ABCA6: variants seen among roughly 807,000 people sequenced by gnomAD.
ABCA6 encodes the protein ATP binding cassette subfamily A member 6, also known as ATP-binding cassette sub-family A member 6.
ABCA6 carries 164 observed loss-of-function variants against 191.2 expected under a neutral mutation model. That is an observed-to-expected ratio of 0.86 (90% CI 0.76 to 0.98). The LOEUF is 0.98. ABCA6 is among the 50% of genes least tolerant of loss of function. The probability of loss-of-function intolerance (pLI) is 0.00; values close to 1 mark genes in which losing one functional copy is unlikely to be tolerated. For synonymous variants in ABCA6, 636 were observed against 647.7 expected, an observed-to-expected ratio of 0.98 and a Z score of 0.27; for missense variants, 1,958 against 1,894.1, an observed-to-expected ratio of 1.03 and a Z score of -0.63.
At chr17:69,123,803 C>T (rs1250701977) in intron 9 of ABCA6, among the ~76,000 whole-genome samples, 1 of 151,956 alleles carries the variant, frequency 6.6e-6, no homozygotes, top group African/African-American at 2.4e-5. Flanking sequence ...AAAGGACACC[C>T]AACAAGGAAA....
At chr17:69,136,328 C>T in intron 3 of ABCA6, 78 bp from the exon 4 acceptor site, 1 of 1,098,674 alleles carries the variant, frequency 9.1e-7, no homozygotes, top group Non-Finnish European at 1.2e-6. Flanking sequence ...TCAACTGTTT[C>T]CCCATATAAT....
At chr17:69,133,575 AAC>A (rs2073900774) in intron 6 of ABCA6, 64 bp downstream of exon 6, 4 of 1,203,974 alleles carry the variant, frequency 3.3e-6, no homozygotes, top group East Asian at 2.4e-5. Context: ...CTGAAACAAT[AAC>A]ACTTTTTCAC....
chr17:69,114,296 C>G (rs1257355255), intron 13 of ABCA6, among the ~76,000 whole-genome samples: 1 of 151,550 alleles, frequency 6.6e-6, no homozygotes, highest in East Asian at 1.9e-4. Flanking sequence ...CCATCATTCT[C>G]AGCAAACTAT....
intron 29 of ABCA6, 114 bp downstream of exon 29, chr17:69,087,239 T>C (rs1243704885): frequency 8.7e-6 from 12 of 1,372,414 alleles, no homozygotes; most frequent in Non-Finnish European, 1.2e-5. Context: ...GGACGCATAA[T>C]ACAGAAATGC....
chr17:69,107,110 GA>G (rs1247323236), intron 18 of ABCA6, among the ~76,000 whole-genome samples: 1 of 152,112 alleles, frequency 6.6e-6, no homozygotes, highest in East Asian at 1.9e-4. Flanking sequence ...TGTGATTGGG[GA>G]AAATCACTTA....
chr17:69,125,943 T>C (rs1397309341), intron 8 of ABCA6, among the ~76,000 whole-genome samples: 1 of 152,110 alleles, frequency 6.6e-6, no homozygotes, highest in Non-Finnish European at 1.5e-5. Context: ...ATCTGGTGAA[T>C]TACATGCACT....
intron 8 of ABCA6, among the ~76,000 whole-genome samples, chr17:69,125,603 A>G (rs1053073524): frequency 3.3e-5 from 5 of 152,126 alleles, no homozygotes; most frequent in Non-Finnish European, 5.9e-5. Context: ...ATATGATAAA[A>G]CTAAGGCACA....
At position 69,082,967 on chromosome 17, in the gene ABCA6, A is replaced by T. The variant is rs778277038; in HGVS notation, c.4522T>A (p.Tyr1508Asn). The T allele has an allele frequency of 6.2e-7, 1 of 1,614,230 alleles. No individual in the cohort carries two copies. The highest frequency in any genetic ancestry group is 8.5e-7 in the Non-Finnish European group (1 of 1,180,024). ...TCCTTCACTTTTAGCTCTAGAATGT[A>T]ATCCTTGCCAAGTTTGTTTTTCAGG... Reference protein sequence around the residue: ...QHLKNKLGKDYILELKVKETS... With the variant: ...QHLKNKLGKDNILELKVKETS... Residue 1508 changes from tyrosine to asparagine, a missense_variant, in exon 36 of 39, where the codon TAC (tyrosine) becomes AAC (asparagine). By Grantham distance (143) the Tyr-to-Asn change is moderately radical. Coordinates refer to ENST00000284425, the MANE Select transcript of ABCA6 (RefSeq NM_080284.3).
rs1281497249 is a variant in ABCA6 at position 69,135,082 on chromosome 17, T to C, written c.461-340A>G. 9 of 238,430 alleles carry C rather than the reference T, an allele frequency of 3.8e-5. No individual in the cohort carries two copies. In the Admixed American group the frequency reaches 4.5e-4, roughly 12 times the overall value. The allele number at this position is 238,430 out of a possible 1,614,324, so 14.8% of individuals were successfully genotyped here. A position where few individuals can be genotyped will look rare whatever the true frequency, so the allele number is the denominator to read the frequency against. On this transcript the variant is annotated intron_variant, in intron 4 of 38. Transcript: ENST00000284425. Reference sequence around the variant, plus strand: ...TTTTAGTAGAGACAGGCTTTCACCATGTTGGCCAGGCTGGTCTCGAACTCC... The same window carrying C: ...TTTTAGTAGAGACAGGCTTTCACCACGTTGGCCAGGCTGGTCTCGAACTCC...
intron 25 of ABCA6, among the ~76,000 whole-genome samples, chr17:69,092,082 T>C (rs2072937657): frequency 1.3e-5 from 2 of 152,328 alleles, no homozygotes; most frequent in South Asian, 2.1e-4. Flanking sequence ...TGTATTTTTA[T>C]TGTGATGGAC....
At chr17:69,141,262 T>C (rs1029989394) in intron 1 of ABCA6, among the ~76,000 whole-genome samples, 11 of 152,018 alleles carry the variant, frequency 7.2e-5, no homozygotes, top group African/African-American at 2.4e-4. Flanking sequence ...AAGAGATAGG[T>C]TGTAAATCAT....
intron 9 of ABCA6, 53 bp downstream of exon 9, chr17:69,124,835 A>G: frequency 9.7e-7 from 1 of 1,035,006 alleles, no homozygotes; most frequent in Non-Finnish European, 1.4e-6. Context: ...TAAAAAATAT[A>G]TTCAATGTAA....
intron 34 of ABCA6, 49 bp from the exon 35 acceptor site, chr17:69,083,380 A>G (rs776584099): frequency 6.6e-6 from 10 of 1,508,444 alleles, no homozygotes; most frequent in Non-Finnish European, 8.8e-6. Flanking sequence ...TAAGTGCAGA[A>G]GAAAAAAAAG....
intron 25 of ABCA6, among the ~76,000 whole-genome samples, chr17:69,096,023 G>C (rs576396975): frequency 6.6e-5 from 10 of 152,278 alleles, no homozygotes; most frequent in African/African-American, 2.4e-4. Context: ...CAGGTCTTCT[G>C]TAAGATTCTC....
At chr17:69,140,002 G>A (rs12601388) in intron 2 of ABCA6, among the ~76,000 whole-genome samples, 88,470 of 149,914 alleles carry the variant, frequency 0.59, 27,527 homozygotes, top group Admixed American at 0.7. Flanking sequence ...ATGCTAAATG[G>A]CGAGTTAATG....
At chr17:69,135,998 G>C in intron 4 of ABCA6, 94 bp downstream of exon 4, 1 of 1,169,718 alleles carries the variant, frequency 8.5e-7, no homozygotes, top group African/African-American at 1.5e-5. Flanking sequence ...GTTTTCTCAT[G>C]TGTCATTGAA....
chr17:69,112,424 A>C, intron 15 of ABCA6, 151 bp from the exon 16 acceptor site: 1 of 575,710 alleles, frequency 1.7e-6, no homozygotes, highest in East Asian at 2.7e-5. Flanking sequence ...CATTTGAAAT[A>C]CATATTAAAA....
intron 36 of ABCA6, among the ~76,000 whole-genome samples, chr17:69,081,943 T>C (rs1018598192): frequency 6.6e-6 from 1 of 152,230 alleles, no homozygotes; most frequent in African/African-American, 2.4e-5. Flanking sequence ...TTCCGTGTGC[T>C]ACTTCTGGCT....
chr17:69,111,366 A>G (rs1219241663), intron 16 of ABCA6: 1 of 153,560 alleles, frequency 6.5e-6, no homozygotes, highest in African/African-American at 2.4e-5. Context: ...TTTAGCCTGG[A>G]TATACACCAA....
Sources: gnomAD v4.1 joint callset for allele counts (sites outside exome capture counted in the v4.1 genomes callset) on GRCh38, gnomAD v4.1.1 for gene constraint, MANE v1.5 for transcripts, NCBI Gene and HGNC (gene_info 2026-07-23, HGNC 2026-07-21) for gene names.